The following ECPAS variants were observed in gnomAD, a reference collection of about 807,000 sequenced individuals.
ECPAS encodes the protein Ecm29 proteasome adaptor and scaffold.
Under a neutral mutation model 255.1 loss-of-function variants are expected in ECPAS, and 70 were observed. That is an observed-to-expected ratio of 0.27 (90% CI 0.23 to 0.33). ECPAS has a LOEUF of 0.33. ECPAS is among the 10% of genes least tolerant of loss of function. The pLI, the probability that ECPAS is intolerant of heterozygous loss-of-function variation, is 1.00. For synonymous variants in ECPAS, 784 were observed against 775.0 expected (o/e 1.01, Z -0.19); for missense variants, 1,817 against 2,206.4 (o/e 0.82, Z 3.54).
chr9:111,379,874 A>G (rs942610208), intron 35 of ECPAS, among the ~76,000 whole-genome samples: 1 of 152,218 alleles, frequency 6.6e-6, no homozygotes, highest in Admixed American at 6.5e-5. Flanking sequence ...TCACGTCTTC[A>G]GGCCCCACTT....
intron 2 of ECPAS, among the ~76,000 whole-genome samples, chr9:111,462,122 G>A (rs1306456855): frequency 6.6e-6 from 1 of 152,168 alleles, no homozygotes; most frequent in Non-Finnish European, 1.5e-5. Context: ...AAATCTAAAT[G>A]TCAAAGGTAA....
chr9:111,473,221 A>T (rs1020186011), intron 1 of ECPAS, among the ~76,000 whole-genome samples: 1 of 152,218 alleles, frequency 6.6e-6, no homozygotes, highest in African/African-American at 2.4e-5. Flanking sequence ...TACTTCAAAA[A>T]ATACACTGAT....
At chr9:111,415,769 T>A (rs2098202574) in intron 18 of ECPAS, among the ~76,000 whole-genome samples, 1 of 151,240 alleles carries the variant, frequency 6.6e-6, no homozygotes, top group African/African-American at 2.4e-5. Flanking sequence ...AAGGAGTCCA[T>A]CCTCTGGAAG....
At chr9:111,473,286 A>G (rs2098291532) in intron 1 of ECPAS, among the ~76,000 whole-genome samples, 1 of 152,234 alleles carries the variant, frequency 6.6e-6, no homozygotes, top group South Asian at 2.1e-4. Context: ...ATTTTATCAT[A>G]TATGTATATG....
chr9:111,469,802 C>CT (rs1190348396), intron 2 of ECPAS, among the ~76,000 whole-genome samples: 1 of 150,862 alleles, frequency 6.6e-6, no homozygotes, highest in African/African-American at 2.4e-5. Context: ...GAGCGAGACT[C>CT]TGTCTCAAAA....
chr9:111,380,786 T>C (rs994635327), intron 35 of ECPAS, among the ~76,000 whole-genome samples: 3 of 152,236 alleles, frequency 2.0e-5, no homozygotes, highest in Non-Finnish European at 2.9e-5. Flanking sequence ...CCTTGCATCT[T>C]TATGTTATGA....
chr9:111,394,158 ACC>A lies in ECPAS; in HGVS notation c.2922_2922+1del. 1 of 1,599,568 alleles carries A rather than the reference ACC, an allele frequency of 6.3e-7. No homozygotes were observed. The highest frequency in any genetic ancestry group is 8.5e-7 in the Non-Finnish European group (1 of 1,174,476). On this transcript the variant is annotated splice_donor_variant and coding_sequence_variant, in exon 26 of 50. Transcript: ENST00000684092. LOFTEE classifies it high-confidence loss of function. ...GGGCTGACCACATACAGCATGGCTC[ACC>A]TTCACTTCTTTGTGGGTACTTAGCT...
intron 35 of ECPAS, among the ~76,000 whole-genome samples, chr9:111,380,846 A>G (rs2098139718): frequency 6.6e-6 from 1 of 152,124 alleles, no homozygotes; most frequent in Admixed American, 6.5e-5. Context: ...CTAGCTTCCA[A>G]CTTTTCTTCT....
At chr9:111,465,098 A>C (rs2098277864) in intron 2 of ECPAS, among the ~76,000 whole-genome samples, 1 of 152,166 alleles carries the variant, frequency 6.6e-6, no homozygotes, top group South Asian at 2.1e-4. Context: ...AAATCATCCC[A>C]CTGCACACCA....
chr9:111,439,649 C>T (rs1476572567), intron 6 of ECPAS, among the ~76,000 whole-genome samples: 1 of 152,040 alleles, frequency 6.6e-6, no homozygotes, highest in Admixed American at 6.6e-5. Context: ...GACAGAAAGG[C>T]GTTCTCTTAA....
At chr9:111,383,395 G>A in intron 34 of ECPAS, 63 bp from the exon 35 acceptor site, 3 of 1,536,650 alleles carry the variant, frequency 2.0e-6, no homozygotes, top group Non-Finnish European at 8.8e-7. Context: ...GAATTCATCT[G>A]ACAAAAGACT....
At position 111,361,927 on chromosome 9, in the gene ECPAS, T is replaced by C; in HGVS notation, c.*103A>G. ...TTTATTTCAGCCAAGGAATGATGCA[T>C]GCTACAGATTAATCTTTACTTTTTC... On this transcript the variant is annotated 3_prime_UTR_variant, in exon 50 of 50. Transcript: ENST00000684092. The C allele has an allele frequency of 2.3e-6, 3 of 1,292,404 alleles. No individual in the cohort carries two copies. The highest frequency in any genetic ancestry group is 2.1e-6 in the Non-Finnish European group (2 of 944,716). 80.1% of individuals were successfully genotyped at this position (1,292,404 alleles called of 1,614,324 possible). A position where few individuals can be genotyped will look rare whatever the true frequency, so the allele number is the denominator to read the frequency against.
chr9:111,482,684 G>T (rs1016987519), intron 1 of ECPAS, among the ~76,000 whole-genome samples: 4 of 152,056 alleles, frequency 2.6e-5, no homozygotes, highest in South Asian at 2.1e-4. Context: ...AAAACCCTTG[G>T]GGGGGAGAAC....
chr9:111,384,542 C>T lies in ECPAS; in HGVS notation c.3661G>A (p.Ala1221Thr), dbSNP rs1403987204. The change falls in exon 34 of 50, where the codon GCT becomes ACT. Residue 1221 changes from alanine to threonine, a missense_variant. By Grantham distance (58) the Ala-to-Thr change is moderately conservative. Coordinates refer to ENST00000684092, the MANE Select transcript of ECPAS (RefSeq NM_001364929.1). ...TTCACCTTGCTCAGAGTTTTCAGAG[C>T]TAGTTCTGCCGCTTTTCGTACAGAT... ...KESVRKAAELALKTLSKVCVK... is the reference protein window; with the variant it reads ...KESVRKAAELTLKTLSKVCVK... The T allele has an allele frequency of 5.0e-6, 8 of 1,613,898 alleles. No homozygotes were observed. The Admixed American group carries it at 5.0e-5, about 10-fold the overall frequency.
chr9:111,420,954 G>C (rs957992471), intron 15 of ECPAS, among the ~76,000 whole-genome samples: 1 of 152,172 alleles, frequency 6.6e-6, no homozygotes, highest in Admixed American at 6.6e-5. Flanking sequence ...CTTGGTAATA[G>C]TGTTACATGA....
chr9:111,373,358 A>C lies in ECPAS; in HGVS notation c.4226T>G (p.Val1409Gly). 1.2e-6 allele frequency: 2 copies of C among 1,613,906 alleles called. No individual in the cohort carries two copies. The highest frequency in any genetic ancestry group is 1.7e-6 in the Non-Finnish European group (2 of 1,179,818). The stretch of plus-strand genomic sequence containing the variant: ...AGCAAATGCACAAGATTTCTGAATC[A>C]CACTGTTCCGATCTGTCAGGCCACT... ...LLSGLTDRNS[V>G]IQKSCAFAMG... Residue 1409 changes from valine (V) to glycine (G), a missense_variant, in exon 40 of 50, where the codon GTG becomes GGG. This residue lies in a region of ECPAS where 960 missense variants were observed against 1,179.0 expected (regional missense o/e 0.81). Transcript: ENST00000684092.
rs139810161 is a variant in ECPAS, at chr9:111,421,783, G to T, written c.1455+138C>A. 5.5e-5 allele frequency: 56 copies of T among 1,020,282 alleles called. No homozygotes were observed. In the African/African-American group the frequency reaches 8.2e-4, roughly 15 times the overall value. The allele number at this position is 1,020,282 out of a possible 1,614,324, so 63.2% of individuals were successfully genotyped here. A position where few individuals can be genotyped will look rare whatever the true frequency, so the allele number is the denominator to read the frequency against. On this transcript the variant is annotated intron_variant, in intron 15 of 49. Transcript: ENST00000684092. ...CCTAAAGTCAAATTTTCATCATGAA[G>T]AATTAAAAATAGATCCTAAATCACA...
At chr9:111,376,252 T>C (rs1463173777) in intron 37 of ECPAS, among the ~76,000 whole-genome samples, 3 of 152,234 alleles carry the variant, frequency 2.0e-5, no homozygotes, top group Non-Finnish European at 2.9e-5. Context: ...TTGTTGTCTC[T>C]TGTAATACAA....
intron 42 of ECPAS, among the ~76,000 whole-genome samples, 159 bp from the exon 43 acceptor site, chr9:111,371,988 T>G (rs868484421): frequency 7.2e-5 from 11 of 152,216 alleles, no homozygotes; most frequent in African/African-American, 2.7e-4. Flanking sequence ...GTTGGTGTTG[T>G]GACTTATTCT....
Sources: gnomAD v4.1 joint callset for allele counts (sites outside exome capture counted in the v4.1 genomes callset) on GRCh38, gnomAD v4.1.1 for gene constraint, gnomAD v4.1.1 regional missense constraint, MANE v1.5 for transcripts, NCBI Gene and HGNC (gene_info 2026-07-23, HGNC 2026-07-21) for gene names.